SCFD2: variants seen among roughly 807,000 people sequenced by gnomAD.
SCFD2 encodes the protein sec1 family domain containing 2.
Under a neutral mutation model 58.9 loss-of-function variants are expected in SCFD2, and 54 were observed. The observed-to-expected ratio is 0.92, with a 90% CI of 0.74 to 1.15. The LOEUF (loss-of-function observed/expected upper bound fraction) is 1.15, where lower values mean the gene tolerates loss of function less well. SCFD2 is among the 50% of genes most tolerant of loss of function. SCFD2 has a pLI of 0.00. For synonymous variants in SCFD2, 321 were observed against 335.9 expected (o/e 0.96, Z 0.49); for missense variants, 805 against 836.6 (o/e 0.96, Z 0.47).
At chr4:52,973,324 T>C (rs528982284) in intron 5 of SCFD2, among the ~76,000 whole-genome samples, 61 of 152,148 alleles carry the variant, frequency 4.0e-4, no homozygotes, top group Middle Eastern at 6.8e-3. Context: ...CAATAAAAAA[T>C]GATAAAGGGG....
At chr4:53,278,892 A>C (rs1179231723) in intron 3 of SCFD2, among the ~76,000 whole-genome samples, 1 of 152,116 alleles carries the variant, frequency 6.6e-6, no homozygotes, top group Non-Finnish European at 1.5e-5. Context: ...TCTAAAAAAA[A>C]AAAAAAAAGG....
intron 5 of SCFD2, among the ~76,000 whole-genome samples, chr4:53,096,832 G>T (rs1316558860): frequency 2.0e-5 from 3 of 152,156 alleles, no homozygotes; most frequent in Non-Finnish European, 4.4e-5. Context: ...TTCTTCTAGG[G>T]TTTTTATGGT....
At chr4:53,235,132 C>G (rs1009319790) in intron 4 of SCFD2, among the ~76,000 whole-genome samples, 6 of 152,236 alleles carry the variant, frequency 3.9e-5, no homozygotes, top group Admixed American at 3.9e-4. Context: ...CAGCCTGAAC[C>G]TGGCCCACAT....
chr4:53,303,535 T>A (rs1289416548), intron 3 of SCFD2, among the ~76,000 whole-genome samples: 1 of 152,146 alleles, frequency 6.6e-6, no homozygotes, highest in African/African-American at 2.4e-5. Flanking sequence ...ATTGTGGAAG[T>A]CAGTGTGGCG....
intron 4 of SCFD2, among the ~76,000 whole-genome samples, chr4:53,210,223 G>A (rs937154608): frequency 2.6e-5 from 4 of 152,048 alleles, no homozygotes; most frequent in Non-Finnish European, 4.4e-5. Flanking sequence ...AGGAGAATAG[G>A]TGAGTAGGGG....
intron 5 of SCFD2, among the ~76,000 whole-genome samples, chr4:53,055,863 C>T (rs1426285319): frequency 6.6e-6 from 1 of 152,010 alleles, no homozygotes; most frequent in East Asian, 1.9e-4. Flanking sequence ...CAGACTCTCT[C>T]CTGACTGGCT....
At chr4:52,956,224 T>C in intron 5 of SCFD2, 1 of 456,696 alleles carries the variant, frequency 2.2e-6, no homozygotes, top group South Asian at 1.5e-5. Context: ...ACATCCTACC[T>C]GCCTCCCCAT....
intron 4 of SCFD2, among the ~76,000 whole-genome samples, chr4:53,251,269 A>G (rs1283949324): frequency 5.9e-5 from 9 of 152,154 alleles, no homozygotes; most frequent in Non-Finnish European, 1.2e-4. Flanking sequence ...AGAGTCCAGG[A>G]CCAGATGGAT....
At chr4:53,107,148 A>G (rs766797043) in intron 5 of SCFD2, among the ~76,000 whole-genome samples, 30 of 152,316 alleles carry the variant, frequency 2.0e-4, no homozygotes, top group Admixed American at 9.2e-4. Flanking sequence ...CACAGGAGAA[A>G]TAAAATCCTT....
intron 5 of SCFD2, among the ~76,000 whole-genome samples, chr4:53,118,781 G>C (rs1400059665): frequency 1.3e-5 from 2 of 152,070 alleles, no homozygotes; most frequent in African/African-American, 4.8e-5. Context: ...TTCCCTCCCT[G>C]CTTCTGCCTT....
chr4:53,246,423 A>G (rs1730074768), intron 4 of SCFD2, among the ~76,000 whole-genome samples: 1 of 152,372 alleles, frequency 6.6e-6, no homozygotes, highest in South Asian at 2.1e-4. Flanking sequence ...AGCTGGACAC[A>G]TCACACTACC....
intron 5 of SCFD2, among the ~76,000 whole-genome samples, chr4:53,065,640 T>G (rs1298811464): frequency 6.6e-6 from 1 of 152,102 alleles, no homozygotes; most frequent in Admixed American, 6.6e-5. Flanking sequence ...TCAAGAGCAT[T>G]ACTATTCTAT....
intron 5 of SCFD2, among the ~76,000 whole-genome samples, chr4:52,935,632 A>G (rs1205493378): frequency 6.6e-6 from 1 of 152,194 alleles, no homozygotes; most frequent in Non-Finnish European, 1.5e-5. Context: ...ATTGTGTCTC[A>G]CCGCTGTCTG....
chr4:53,365,117 G>A lies in SCFD2; in HGVS notation c.825C>T (p.Thr275=), dbSNP rs1203046173. ...CAATGCACTTACCTGTGAGATCCAG[G>A]GTTCTGTCCACAAAAACCACTGATG... ...GRASVVFVDR[T]LDLTGAVGHH... Residue 275 remains threonine, a synonymous_variant, in exon 1 of 9, where the codon ACC becomes ACT. Transcript: ENST00000401642. The surrounding 1 kb of genome is among the most constrained non-coding windows in gnomAD (Gnocchi z 4.3). 6.2e-7 allele frequency: 1 copy of A among 1,613,836 alleles called. No individual in the cohort carries two copies. The highest frequency in any genetic ancestry group is 8.5e-7 in the Non-Finnish European group (1 of 1,179,936).
chr4:53,301,584 C>T (rs1301334660), intron 3 of SCFD2, among the ~76,000 whole-genome samples: 4 of 152,130 alleles, frequency 2.6e-5, no homozygotes, highest in Admixed American at 2.6e-4. Flanking sequence ...AGAGGGAATC[C>T]TCCCTAACTC....
intron 5 of SCFD2, among the ~76,000 whole-genome samples, chr4:53,008,318 T>C (rs1173045556): frequency 4.6e-5 from 7 of 152,230 alleles, no homozygotes; most frequent in African/African-American, 1.7e-4. Context: ...GTGCAGTCCA[T>C]GTAGAATGAC....
intron 3 of SCFD2, among the ~76,000 whole-genome samples, chr4:53,274,546 A>T (rs936451913): frequency 6.6e-6 from 1 of 152,192 alleles, no homozygotes; most frequent in African/African-American, 2.4e-5. Context: ...TACAGTGCAA[A>T]ACCACTGGAA....
At chr4:52,978,166 A>G (rs1305021276) in intron 5 of SCFD2, among the ~76,000 whole-genome samples, 1 of 152,196 alleles carries the variant, frequency 6.6e-6, no homozygotes, top group Non-Finnish European at 1.5e-5. Context: ...GCAGCAGGGT[A>G]AGCAAACAGT....
At chr4:53,239,976 AATC>A (rs1186205136) in intron 4 of SCFD2, among the ~76,000 whole-genome samples, 3 of 152,216 alleles carry the variant, frequency 2.0e-5, no homozygotes, top group Non-Finnish European at 4.4e-5. Flanking sequence ...TTGCTGAAAT[AATC>A]ATGATATATT....
Sources: gnomAD v4.1 joint callset for allele counts (sites outside exome capture counted in the v4.1 genomes callset) on GRCh38, gnomAD v4.1.1 for gene constraint, Gnocchi (gnomAD v3.1) non-coding constraint, MANE v1.5 for transcripts, NCBI Gene and HGNC (gene_info 2026-07-23, HGNC 2026-07-21) for gene names.